The following FREM2 variants were observed in gnomAD, a reference collection of about 807,000 sequenced individuals.
FREM2 encodes the protein FRAS1-related extracellular matrix protein 2.
A neutral mutation model predicts 219.9 loss-of-function variants in FREM2; 119 were observed. The observed-to-expected ratio is 0.54, with a 90% CI of 0.47 to 0.63. The LOEUF (loss-of-function observed/expected upper bound fraction) is 0.63. Ranked by LOEUF, FREM2 falls within the 30% of genes least tolerant of loss-of-function variation. FREM2 has a pLI of 0.00. For synonymous variants in FREM2, 1,562 were observed against 1,522.8 expected, an observed-to-expected ratio of 1.03 and a Z score of -0.60; for missense variants, 4,030 against 3,993.6, an observed-to-expected ratio of 1.01 and a Z score of -0.25.
rs1555264782 is a variant in FREM2, at chr13:38,747,395, A to ATATG, written c.5264-16908_5264-16907insATGT. ...CTTGAGGGCATAAAGCTGATATAAT[A>ATATG]TGTGTGTGTGTGTGTGTGTGTGTGT... On this transcript the variant is annotated intron_variant, in intron 2 of 23. Coordinates refer to ENST00000280481, the MANE Select transcript of FREM2 (RefSeq NM_207361.6). 2.1e-5 allele frequency among the ~76,000 whole-genome samples: 3 copies of ATATG among 142,994 alleles called. 1 individual carries two copies. The highest frequency in any genetic ancestry group is 4.6e-4 in the South Asian group (2 of 4,356). The allele number at this position is 142,994 out of a possible 152,430, so 93.8% of individuals were successfully genotyped here.
intron 23 of FREM2, among the ~76,000 whole-genome samples, chr13:38,880,076 C>A (rs538477803): frequency 6.6e-6 from 1 of 152,192 alleles, no homozygotes; most frequent in Non-Finnish European, 1.5e-5. Context: ...ATCACATATT[C>A]ACTCCCTTAA....
chr13:38,865,074 T>C (rs1040746249), intron 16 of FREM2, among the ~76,000 whole-genome samples: 1 of 152,250 alleles, frequency 6.6e-6, no homozygotes, highest in African/African-American at 2.4e-5. Flanking sequence ...TACAAAACTT[T>C]CTCTGCTTTT....
In FREM2 at chr13:38,688,481, C is replaced by A. The variant is rs750219962; in HGVS notation, c.1137C>A (p.Pro379=). 6 of 1,614,156 alleles carry A rather than the reference C, an allele frequency of 3.7e-6. No individual in the cohort carries two copies. The highest frequency in any genetic ancestry group is 5.1e-6 in the Non-Finnish European group (6 of 1,180,022). ...TGAGCACCGATGATCGCAGCCTGCC[C>A]CTTTCCTCCTTCACTCAGAGGGATC... is the stretch of plus-strand genomic sequence containing the variant. The part of the protein sequence containing the change: ...YLVSTDDRSL[P]LSSFTQRDLR... Residue 379 remains proline, a synonymous_variant, in exon 1 of 24, where the codon CCC becomes CCA. Transcript: ENST00000280481.
chr13:38,829,662 T>G (rs1260129925), intron 6 of FREM2, among the ~76,000 whole-genome samples: 1 of 151,556 alleles, frequency 6.6e-6, no homozygotes, highest in Non-Finnish European at 1.5e-5. Flanking sequence ...TTTTTTTAGA[T>G]TTCACAGTGT....
intron 6 of FREM2, among the ~76,000 whole-genome samples, chr13:38,812,933 A>G (rs960870699): frequency 1.3e-5 from 2 of 150,576 alleles, no homozygotes; most frequent in African/African-American, 4.9e-5. Context: ...AAAAAACCCC[A>G]CAAAAACCTC....
intron 2 of FREM2, among the ~76,000 whole-genome samples, chr13:38,744,608 C>T (rs1872390575): frequency 1.3e-5 from 2 of 152,152 alleles, no homozygotes; most frequent in African/African-American, 4.8e-5. Context: ...TCTCCTGCCT[C>T]AGCCTCCCGA....
chr13:38,796,903 C>T (rs1049161124), intron 6 of FREM2, among the ~76,000 whole-genome samples: 1 of 151,506 alleles, frequency 6.6e-6, no homozygotes, highest in Non-Finnish European at 1.5e-5. Context: ...TTTTTTGAGG[C>T]AGAGTTTTGC....
At chr13:38,853,470 C>G (rs962879492) in intron 11 of FREM2, among the ~76,000 whole-genome samples, 1 of 152,108 alleles carries the variant, frequency 6.6e-6, no homozygotes, top group Admixed American at 6.5e-5. Flanking sequence ...CCTTTCCTAC[C>G]TCTCACTATC....
intron 15 of FREM2, 44 bp downstream of exon 15, chr13:38,861,606 C>G: frequency 6.3e-7 from 1 of 1,599,008 alleles, no homozygotes; most frequent in South Asian, 1.1e-5. Flanking sequence ...GTTTTGGACT[C>G]CTCATTACCT....
chr13:38,687,081 G>A lies in FREM2; in HGVS notation c.-264G>A. 1 of 577,514 alleles carries A rather than the reference G, an allele frequency of 1.7e-6. No individual in the cohort carries two copies. Among genetic ancestry groups the A allele is most frequent in the East Asian group, 2.9e-5 (1 of 34,706 alleles). 35.8% of individuals were successfully genotyped at this position (577,514 alleles called of 1,614,324 possible). A position where few individuals can be genotyped will look rare whatever the true frequency, so the allele number is the denominator to read the frequency against. On this transcript the variant is annotated 5_prime_UTR_variant, in exon 1 of 24. The change creates a new upstream start codon in the 5' untranslated region. Coordinates refer to ENST00000280481, the MANE Select transcript of FREM2 (RefSeq NM_207361.6). ...GGGTCCGGGGACCTGGAAAGTAGAA[G>A]TGGAGGGATTCAATTCTCCGCGCGA...
rs1877317235 is a variant in FREM2 at position 38,850,164 on chromosome 13, G to A, written c.6506G>A (p.Gly2169Glu). The change falls in exon 9 of 24, where the codon GGG becomes GAG. Residue 2169 changes from glycine to glutamate, a missense_variant. Physicochemically the swap from Gly to Glu is moderately conservative, Grantham distance 98. Coordinates refer to ENST00000280481, the MANE Select transcript of FREM2 (RefSeq NM_207361.6). The stretch of plus-strand genomic sequence containing the variant: ...TCAGTGAGATGCTACACCCGGCAGG[G>A]GTCTGCACAGGTGATGATGGACTTT... ...RSSVRCYTRQ[G>E]SAQVMMDFEE... is the part of the protein sequence containing the mutation. 1.2e-6 allele frequency: 2 copies of A among 1,613,782 alleles called. No individual in the cohort carries two copies. The highest frequency in any genetic ancestry group is 3.3e-5 in the Admixed American group (2 of 59,986).
intron 6 of FREM2, among the ~76,000 whole-genome samples, chr13:38,815,201 G>A (rs1033667137): frequency 6.6e-6 from 1 of 152,142 alleles, no homozygotes; most frequent in Non-Finnish European, 1.5e-5. Context: ...TACTTCCCAT[G>A]AATTGTTTTT....
At chr13:38,869,248 AG>A (rs1464297193) in intron 16 of FREM2, among the ~76,000 whole-genome samples, 1 of 152,208 alleles carries the variant, frequency 6.6e-6, no homozygotes, top group Non-Finnish European at 1.5e-5. Flanking sequence ...ACACTCTGTA[AG>A]GGTTTTCTGC....
intron 2 of FREM2, among the ~76,000 whole-genome samples, chr13:38,740,107 G>A (rs937303205): frequency 2.6e-5 from 4 of 151,818 alleles, no homozygotes; most frequent in Admixed American, 6.6e-5. Context: ...TGTTTTATAA[G>A]TTCTAAAGAA....
intron 2 of FREM2, among the ~76,000 whole-genome samples, chr13:38,730,141 C>T (rs979169087): frequency 9.8e-5 from 15 of 152,292 alleles, no homozygotes; most frequent in African/African-American, 3.1e-4. Flanking sequence ...TAGTCACACA[C>T]ATCTCACGGT....
intron 1 of FREM2, 28 bp downstream of exon 1, chr13:38,692,545 A>T (rs774142113): frequency 1.2e-6 from 2 of 1,602,040 alleles, no homozygotes; most frequent in African/African-American, 1.3e-5. Flanking sequence ...TTTCTTGGTT[A>T]TCCTTGTTTC....
chr13:38,742,058 A>T (rs1304935410), intron 2 of FREM2, among the ~76,000 whole-genome samples: 1 of 152,206 alleles, frequency 6.6e-6, no homozygotes, highest in African/African-American at 2.4e-5. Flanking sequence ...CTAAATTACA[A>T]TAATAATTAG....
intron 16 of FREM2, among the ~76,000 whole-genome samples, chr13:38,872,031 A>G (rs546513739): frequency 2.6e-5 from 4 of 152,328 alleles, no homozygotes; most frequent in East Asian, 3.9e-4. Context: ...TATAATAGCC[A>G]AAAACTGGAA....
At chr13:38,713,564 A>G (rs1443165143) in intron 2 of FREM2, among the ~76,000 whole-genome samples, 1 of 152,200 alleles carries the variant, frequency 6.6e-6, no homozygotes, top group African/African-American at 2.4e-5. Context: ...AAGGCCAGCC[A>G]TTCTATGGCC....
Sources: allele counts gnomAD v4.1 joint callset (sites outside exome capture counted in the v4.1 genomes callset), GRCh38; gene constraint gnomAD v4.1.1; transcripts MANE v1.5; gene names NCBI Gene and HGNC (gene_info 2026-07-23, HGNC 2026-07-21).